Variants in RIPOR3 observed in about 807,000 individuals in gnomAD.
RIPOR3 encodes RIPOR family member 3, also known as family with sequence similarity 65 member C.
RIPOR3 carries 95 observed loss-of-function variants against 114.3 expected under a neutral mutation model. The ratio of observed to expected loss-of-function variants is 0.83; its 90% CI spans 0.70 to 0.99. The LOEUF (loss-of-function observed/expected upper bound fraction) is 0.99, where lower values mean the gene tolerates loss of function less well. Ranked by LOEUF, RIPOR3 falls within the 50% of genes least tolerant of loss-of-function variation. The pLI is 0.00. For synonymous variants in RIPOR3, 575 were observed against 543.8 expected, an observed-to-expected ratio of 1.06 and a Z score of -0.80; for missense variants, 1,252 against 1,266.9, an observed-to-expected ratio of 0.99 and a Z score of 0.18.
chr20:50,589,631 C>T, intron 20 of RIPOR3, 55 bp downstream of exon 20: 2 of 1,571,796 alleles, frequency 1.3e-6, no homozygotes, highest in Non-Finnish European at 1.7e-6. Context: ...TAACCTTAAC[C>T]CTAACCACAA....
intron 13 of RIPOR3, among the ~76,000 whole-genome samples, chr20:50,599,653 C>T (rs2083428876): frequency 6.6e-6 from 1 of 152,084 alleles, no homozygotes. Flanking sequence ...CACTTGTTTA[C>T]CATTTGGGCA....
intron 1 of RIPOR3, among the ~76,000 whole-genome samples, chr20:50,637,454 C>T (rs1336028591): frequency 6.6e-6 from 1 of 152,202 alleles, no homozygotes; most frequent in African/African-American, 2.4e-5. Flanking sequence ...ACTTGCCCCT[C>T]ACCCGTATCC....
chr20:50,603,349 C>T (rs1219608709), intron 12 of RIPOR3, among the ~76,000 whole-genome samples: 1 of 152,234 alleles, frequency 6.6e-6, no homozygotes, highest in Non-Finnish European at 1.5e-5. Context: ...AGCAATTCTC[C>T]TGCCTCAGCC....
chr20:50,621,210 T>C (rs550225458), intron 2 of RIPOR3: 1 of 330,676 alleles, frequency 3.0e-6, no homozygotes, highest in Non-Finnish European at 5.8e-6. Context: ...ATGCCAATGC[T>C]CTCTGATCAC....
chr20:50,615,524 C>CA (rs11474316), intron 4 of RIPOR3, among the ~76,000 whole-genome samples: 3,249 of 58,092 alleles, frequency 0.056, 89 homozygotes, highest in African/African-American at 0.11. Flanking sequence ...AATCCTGTCT[C>CA]AAAAAAAAAA....
intron 1 of RIPOR3, among the ~76,000 whole-genome samples, chr20:50,633,283 CAAAAAAT>C (rs2084878958): frequency 7.0e-6 from 1 of 142,940 alleles, no homozygotes; most frequent in Non-Finnish European, 1.6e-5. Context: ...AAACAAAAAA[CAAAAAAT>C]AGTCAATTGT....
At chr20:50,676,191 G>A (rs1376002551) in intron 1 of RIPOR3, among the ~76,000 whole-genome samples, 1 of 152,214 alleles carries the variant, frequency 6.6e-6, no homozygotes. Flanking sequence ...TGGATACTGT[G>A]TCTCACCCCG....
chr20:50,606,232 G>A (rs2083709586), intron 11 of RIPOR3, among the ~76,000 whole-genome samples: 1 of 152,202 alleles, frequency 6.6e-6, no homozygotes, highest in African/African-American at 2.4e-5. Context: ...ACCTTTCTCA[G>A]ACTCTGACCG....
chr20:50,661,304 G>A (rs2085988386), intron 1 of RIPOR3, among the ~76,000 whole-genome samples: 1 of 151,886 alleles, frequency 6.6e-6, no homozygotes, highest in Admixed American at 6.6e-5. Flanking sequence ...TCAACTCCTG[G>A]GCTTAAGCAA....
rs2122993087 is a variant in RIPOR3 at position 50,602,736 on chromosome 20, G to A, written c.1087-92C>T. 2 of 971,954 alleles carry A rather than the reference G, an allele frequency of 2.1e-6. No individual in the cohort carries two copies. The highest frequency in any genetic ancestry group is 2.9e-5 in the East Asian group (1 of 34,190). 60.2% of individuals were successfully genotyped at this position (971,954 alleles called of 1,614,324 possible). On this transcript the variant is annotated intron_variant, in intron 12 of 21. Transcript: ENST00000327979. The surrounding 1 kb of genome is among the most constrained non-coding windows in gnomAD (Gnocchi z 4.3). ...GCTTCCCCTGACAGACACCCGCTGT[G>A]CATGCCCATGTTCTCAGGATGACTG...
At chr20:50,681,242 AG>A (rs142401148) in intron 1 of RIPOR3, among the ~76,000 whole-genome samples, 43,007 of 85,798 alleles carry the variant, frequency 0.5, 10,167 homozygotes, top group Non-Finnish European at 0.57. Flanking sequence ...AAAAAAAAAA[AG>A]AAAAGAAAAG....
intron 1 of RIPOR3, among the ~76,000 whole-genome samples, chr20:50,671,428 GCACACACACACACACACA>G (rs1160861232): frequency 2.6e-5 from 1 of 38,158 alleles, no homozygotes; most frequent in African/African-American, 6.3e-5. Context: ...ACGCGCGCGC[GCACACACACACACACACA>G]CACACACACA....
intron 1 of RIPOR3, among the ~76,000 whole-genome samples, chr20:50,631,169 C>A (rs1260335555): frequency 6.6e-6 from 1 of 152,144 alleles, no homozygotes; most frequent in African/African-American, 2.4e-5. Context: ...GCCCTCTCAC[C>A]CCCCGAGCTT....
At chr20:50,670,826 G>A (rs765927493) in intron 1 of RIPOR3, among the ~76,000 whole-genome samples, 6 of 152,190 alleles carry the variant, frequency 3.9e-5, no homozygotes, top group Non-Finnish European at 7.3e-5. Flanking sequence ...AGTCAGATCC[G>A]ACTGGGTTCA....
intron 1 of RIPOR3, among the ~76,000 whole-genome samples, chr20:50,664,198 A>G (rs1260095632): frequency 1.3e-5 from 2 of 152,222 alleles, no homozygotes; most frequent in Non-Finnish European, 2.9e-5. Context: ...AAGTGCTGGC[A>G]CTATAGGCGT....
In RIPOR3 at chr20:50,602,794, G is replaced by A. The variant is rs2083554000; in HGVS notation, c.1087-150C>T. The A allele has an allele frequency of 3.9e-6, 2 of 509,612 alleles. No individual in the cohort carries two copies. The highest frequency in any genetic ancestry group is 6.9e-5 in the East Asian group (2 of 29,088). 31.6% of individuals were successfully genotyped at this position (509,612 alleles called of 1,614,324 possible). A position where few individuals can be genotyped will look rare whatever the true frequency, so the allele number is the denominator to read the frequency against. On this transcript the variant is annotated intron_variant, in intron 12 of 21. Coordinates refer to ENST00000327979, the MANE Select transcript of RIPOR3 (RefSeq NM_001290268.2). This position sits in a 1 kb window ranked among gnomAD's most constrained non-coding sequence, Gnocchi z 4.3. ...CCGAGGTGACCAGCATCCCAGAGGT[G>A]CAGAAAAAACCCTGTCCCCTCTCTG...
intron 2 of RIPOR3, among the ~76,000 whole-genome samples, chr20:50,623,629 G>A (rs1331783929): frequency 6.6e-6 from 1 of 152,138 alleles, no homozygotes; most frequent in East Asian, 1.9e-4. Flanking sequence ...CCTTTACAAT[G>A]ACAAGTAATG....
At chr20:50,596,895 C>G (rs2122922616) in intron 14 of RIPOR3, 1 of 155,488 alleles carries the variant, frequency 6.4e-6, no homozygotes, top group South Asian at 2.0e-4. Context: ...AGGTGTGGGC[C>G]CTGTGGTGGG....
intron 1 of RIPOR3, among the ~76,000 whole-genome samples, chr20:50,633,855 C>T (rs1375502837): frequency 6.6e-6 from 1 of 152,166 alleles, no homozygotes; most frequent in Non-Finnish European, 1.5e-5. Flanking sequence ...ATTCATCACT[C>T]ATAGCACTGT....
Sources: allele counts gnomAD v4.1 joint callset (sites outside exome capture counted in the v4.1 genomes callset), GRCh38; gene constraint gnomAD v4.1.1; non-coding constraint Gnocchi (gnomAD v3.1); transcripts MANE v1.5; gene names NCBI Gene and HGNC (gene_info 2026-07-23, HGNC 2026-07-21).